MSS51: variants seen among roughly 807,000 people sequenced by gnomAD.
MSS51 encodes the protein MSS51 mitochondrial translational activator, also known as putative protein MSS51 homolog, mitochondrial.
In MSS51, 32 loss-of-function variants were observed where a neutral mutation model predicts 40.2. The observed-to-expected ratio is 0.80, with a 90% confidence interval of 0.60 to 1.07. The LOEUF (loss-of-function observed/expected upper bound fraction) is 1.07, where lower values mean the gene tolerates loss of function less well. MSS51 is among the 50% of genes least tolerant of loss of function. MSS51 has a pLI of 0.00. For missense variants in MSS51, 518 were observed against 568.9 expected (o/e 0.91, Z 0.91); for synonymous variants, 178 against 214.2 (o/e 0.83, Z 1.48).
At position 73,428,182 on chromosome 10, in the gene MSS51, G is replaced by A; in HGVS notation, c.103C>T (p.Pro35Ser). 6.2e-7 allele frequency: 1 copy of A among 1,614,090 alleles called. No homozygotes were observed. Among genetic ancestry groups the A allele is most frequent in the East Asian group, 2.2e-5 (1 of 44,854 alleles). ...TCAATGCTAGGGCCAGGTTTTGAGG[G>A]GGTCAGAGGCACAGGGGTCACAATT... ...TTIVTPVPLT[P>S]SKPGPSIDTL... Residue 35 changes from proline (P) to serine (S), a missense_variant, in exon 2 of 7, where the codon CCC becomes TCC. By Grantham distance (74) the Pro-to-Ser change is moderately conservative. Transcript: ENST00000299432.
chr10:73,430,662 C>T (rs1217981350), intron 1 of MSS51, among the ~76,000 whole-genome samples: 3 of 151,394 alleles, frequency 2.0e-5, no homozygotes, highest in Admixed American at 6.6e-5. Flanking sequence ...CCCTCGTACA[C>T]TGCAGGTGAG....
At position 73,431,753 on chromosome 10, in the gene MSS51, C is replaced by T. The variant is rs114553576; in HGVS notation, c.-18+1760G>A. On this transcript the variant is annotated intron_variant, in intron 1 of 6. Transcript: ENST00000299432. ...GAATGGATGGTTTCAGTCCACAGAACAGAAATAGTCAAGCTCATCTGTATA... is the reference window on the plus strand; with the variant it reads ...GAATGGATGGTTTCAGTCCACAGAATAGAAATAGTCAAGCTCATCTGTATA... Among the ~76,000 whole-genome samples, 872 of 152,262 alleles carry T rather than the reference C, an allele frequency of 5.7e-3. 8 individuals carry two copies. Among genetic ancestry groups the T allele is most frequent in the African/African-American group, 0.02 (820 of 41,548 alleles).
chr10:73,426,997 C>A (rs1057115879), intron 3 of MSS51, among the ~76,000 whole-genome samples: 2 of 152,138 alleles, frequency 1.3e-5, no homozygotes, highest in Admixed American at 1.3e-4. Flanking sequence ...AAAAACACCA[C>A]GAGTTTGCAG....
At chr10:73,428,793 A>T (rs1245471298) in intron 1 of MSS51, among the ~76,000 whole-genome samples, 2 of 152,050 alleles carry the variant, frequency 1.3e-5, no homozygotes, top group Non-Finnish European at 2.9e-5. Flanking sequence ...AGCCAAGAAG[A>T]AGTAATTTTA....
rs753670703 is a variant in MSS51 at position 73,425,048 on chromosome 10, A to G, written c.1163+50T>C. On this transcript the variant is annotated intron_variant, in intron 6 of 6. Coordinates refer to ENST00000299432, the MANE Select transcript of MSS51 (RefSeq NM_001024593.2). ...GGGCAAAAATGAGCTCATCTATATA[A>G]AGAGAGATGTAAAGTCAGGGAAGTA... is the stretch of plus-strand genomic sequence containing the variant. 23 of 1,415,752 alleles carry G rather than the reference A, an allele frequency of 1.6e-5. No homozygotes were observed. The South Asian group carries it at 2.3e-4, about 14-fold the overall frequency. 87.7% of individuals were successfully genotyped at this position (1,415,752 alleles called of 1,614,324 possible).
In MSS51 at chr10:73,428,088, T is replaced by G. The variant is rs1564541814; in HGVS notation, c.197A>C (p.Asn66Thr). 1 of 1,614,170 alleles carries G rather than the reference T, an allele frequency of 6.2e-7. No homozygotes were observed. Among genetic ancestry groups the G allele is most frequent in the South Asian group, 1.1e-5 (1 of 91,072 alleles). Residue 66 changes from asparagine to threonine, a missense_variant, in exon 2 of 7, where the codon AAC becomes ACC. Transcript: ENST00000299432. ...GLSQLILQKLNMKSYEEYKLV... is the reference protein window; with the variant it reads ...GLSQLILQKLTMKSYEEYKLV... ...CTTATATTCTTCATAGCTTTTCATG[T>G]TCAGCTTTTGAAGGATCAGCTGCGA...
chr10:73,428,274 C>T lies in MSS51; in HGVS notation c.11G>A (p.Arg4Gln), dbSNP rs571329484. 136 of 1,611,914 alleles carry T rather than the reference C, an allele frequency of 8.4e-5. No individual in the cohort carries two copies. The South Asian group carries it at 1.3e-3, about 15-fold the overall frequency. The part of the protein sequence containing the change: MAP[R>Q]SRRRRHKKPP... ...TTTCTTGTGCCTTCGTCGCCGGGAC[C>T]GTGGAGCCATGGCCTGTCCAGTGAT... Residue 4 changes from arginine (R) to glutamine (Q), a missense_variant, in exon 2 of 7, where the codon CGG becomes CAG. Transcript: ENST00000299432.
Position 73,427,719 on chromosome 10 carries a change from G to A in MSS51, c.271C>T (p.Pro91Ser). The A allele has an allele frequency of 1.2e-6, 2 of 1,614,178 alleles. No individual in the cohort carries two copies. Among genetic ancestry groups the A allele is most frequent in the Non-Finnish European group, 1.7e-6 (2 of 1,180,034 alleles). ...TCCATCCTCTGGAACATTTCTTGAG[G>A]ACATCGAAATCCAAAGCCTGATACG... ...TPVSGFGFRC[P>S]QEMFQRMEDT... The change falls in exon 3 of 7, where the codon CCT (proline) becomes TCT (serine). Residue 91 changes from proline (P) to serine (S), a missense_variant. Physicochemically the swap from Pro to Ser is moderately conservative, Grantham distance 74 (BLOSUM62 -1). Coordinates refer to ENST00000299432, the MANE Select transcript of MSS51 (RefSeq NM_001024593.2).
Position 73,424,694 on chromosome 10 carries a change from G to T in MSS51, c.1242C>A (p.Phe414Leu), listed in dbSNP as rs141505321. Residue 414 changes from phenylalanine (F) to leucine (L), a missense_variant, in exon 7 of 7, where the codon TTC (phenylalanine) becomes TTA (leucine). Physicochemically the swap from Phe to Leu is conservative, Grantham distance 22 (BLOSUM62 0). Coordinates refer to ENST00000299432, the MANE Select transcript of MSS51 (RefSeq NM_001024593.2). ...THITAFGSNP[F>L]MSLKPEQVYS... ...AGACCTGTTCAGGTTTGAGGGACAT[G>T]AAAGGATTAGACCCAAAGGCAGTGA... is the stretch of plus-strand genomic sequence containing the variant. 2 of 1,614,160 alleles carry T rather than the reference G, an allele frequency of 1.2e-6. No homozygotes were observed.
rs972374350 is a variant in MSS51, at chr10:73,426,000, G to C, written c.880C>G (p.Leu294Val). The change falls in exon 5 of 7, where the codon CTT becomes GTT. Residue 294 changes from leucine (L) to valine (V), a missense_variant. Coordinates refer to ENST00000299432, the MANE Select transcript of MSS51 (RefSeq NM_001024593.2). ...DELGYMFPGH[L>V]GLRVVMVGVD... ...CCCACCATGACCACACGGAGTCCAA[G>C]GTGCCCAGGAAACATGTAACCAAGC... The C allele has an allele frequency of 1.9e-6, 3 of 1,614,204 alleles. No homozygotes were observed. The highest frequency in any genetic ancestry group is 1.1e-5 in the South Asian group (1 of 91,088).
Position 73,428,069 on chromosome 10 carries a change from T to C in MSS51, c.216A>G (p.Glu72=). 6.2e-7 allele frequency: 1 copy of C among 1,614,032 alleles called. No individual in the cohort carries two copies. Among genetic ancestry groups the C allele is most frequent in the East Asian group, 2.2e-5 (1 of 44,886 alleles). The change falls in exon 2 of 7, where the codon GAA becomes GAG. Residue 72 remains glutamate, a synonymous_variant. Transcript: ENST00000299432. ...CCATAGAGCTGGTCACTCACTTATA[T>C]TCTTCATAGCTTTTCATGTTCAGCT... ...LQKLNMKSYE[E]YKLVVDGGTP... is the part of the protein sequence containing the mutation.
In MSS51 at chr10:73,426,163, G is replaced by C; in HGVS notation, c.717C>G (p.Val239=). The stretch of plus-strand genomic sequence containing the variant: ...GGCCTAGAGTCAAGGGCCGTGACAG[G>C]ACATCTGTCAGCAGCCGCTTCAAAG... The part of the protein sequence containing the change: ...QGSLKRLLTD[V]LSRPLTLGLG... The change falls in exon 5 of 7, where the codon GTC becomes GTG. Residue 239 remains valine (V), a synonymous_variant. Coordinates refer to ENST00000299432, the MANE Select transcript of MSS51 (RefSeq NM_001024593.2). 1 of 1,614,172 alleles carries C rather than the reference G, an allele frequency of 6.2e-7. No homozygotes were observed. Among genetic ancestry groups the C allele is most frequent in the Non-Finnish European group, 8.5e-7 (1 of 1,180,016 alleles).
At chr10:73,432,989 TAGAAAGGGAA>T (rs1479205628) in intron 1 of MSS51, among the ~76,000 whole-genome samples, 16 of 152,170 alleles carry the variant, frequency 1.1e-4, no homozygotes, top group African/African-American at 3.1e-4. Context: ...GCTCTCCACT[TAGAAAGGGAA>T]TCCCTTTCAT....
chr10:73,426,777 G>T, intron 3 of MSS51, 46 bp from the exon 4 acceptor site: 1 of 1,599,304 alleles, frequency 6.3e-7, no homozygotes. Flanking sequence ...AAATATGATT[G>T]GGGTTATCGG....
intron 1 of MSS51, among the ~76,000 whole-genome samples, 149 bp downstream of exon 1, chr10:73,433,358 GGGGGTA>G (rs2056043283): frequency 6.6e-6 from 1 of 152,220 alleles, no homozygotes; most frequent in African/African-American, 2.4e-5. Flanking sequence ...ATCCTTATAA[GGGGGTA>G]GGAAAAGAGA....
rs1368529884 is a variant in MSS51 at position 73,424,749 on chromosome 10, A to G, written c.1187T>C (p.Leu396Ser). The G allele has an allele frequency of 6.2e-7, 1 of 1,613,910 alleles. No homozygotes were observed. The highest frequency in any genetic ancestry group is 8.5e-7 in the Non-Finnish European group (1 of 1,179,866). The part of the protein sequence containing the change: ...VYSHQELVSS[L>S]QILVELDTHI... ...TGTATCCAGTTCCACCAGAATCTGC[A>G]AAGAGGATACCAACTCCTGATGGCT... Residue 396 changes from leucine to serine, a missense_variant, in exon 7 of 7, where the codon TTG becomes TCG. Leu to Ser is a moderately radical substitution (Grantham distance 145, BLOSUM62 -2). Coordinates refer to ENST00000299432, the MANE Select transcript of MSS51 (RefSeq NM_001024593.2).
chr10:73,424,988 G>C (rs957710302), intron 6 of MSS51, 110 bp downstream of exon 6: 1 of 908,878 alleles, frequency 1.1e-6, no homozygotes, highest in Non-Finnish European at 1.8e-6. Flanking sequence ...ATGCGGAAAA[G>C]AACATCCTCA....
At chr10:73,426,510 C>T in intron 4 of MSS51, 97 bp downstream of exon 4, 3 of 1,592,890 alleles carry the variant, frequency 1.9e-6, no homozygotes, top group South Asian at 1.1e-5. Context: ...CTTTGCCCCA[C>T]TTCCTCATTT....
At chr10:73,429,082 T>C (rs2056010327) in intron 1 of MSS51, among the ~76,000 whole-genome samples, 1 of 151,962 alleles carries the variant, frequency 6.6e-6, no homozygotes, top group South Asian at 2.1e-4. Context: ...GGTGGGTGCC[T>C]ATAATCCCAG....
Sources: gnomAD v4.1 joint callset for allele counts (sites outside exome capture counted in the v4.1 genomes callset) on GRCh38, gnomAD v4.1.1 for gene constraint, MANE v1.5 for transcripts, NCBI Gene and HGNC (gene_info 2026-07-23, HGNC 2026-07-21) for gene names.